The following FAM107B variants were observed in gnomAD, a reference collection of about 807,000 sequenced individuals.
FAM107B encodes protein FAM107B.
Under a neutral mutation model 31.5 loss-of-function variants are expected in FAM107B, and 21 were observed. The observed-to-expected ratio is 0.67, with a 90% CI of 0.47 to 0.96. The LOEUF (loss-of-function observed/expected upper bound fraction) is 0.96. FAM107B is among the 40% of genes least tolerant of loss of function. The pLI, the probability that FAM107B is intolerant of heterozygous loss-of-function variation, is 0.00. For synonymous variants in FAM107B, 157 were observed against 141.5 expected (o/e 1.11, Z -0.78); for missense variants, 452 against 377.1 (o/e 1.20, Z -1.64).
At chr10:14,713,403 T>C (rs758139359) in intron 1 of FAM107B, among the ~76,000 whole-genome samples, 32 of 152,200 alleles carry the variant, frequency 2.1e-4, no homozygotes, top group Non-Finnish European at 4.1e-4. Flanking sequence ...GGAGAGGGAA[T>C]GTCATCAAGA....
chr10:14,726,802 G>A (rs909238134), intron 1 of FAM107B, among the ~76,000 whole-genome samples: 1 of 152,174 alleles, frequency 6.6e-6, no homozygotes, highest in African/African-American at 2.4e-5. Context: ...CAGTTTCATG[G>A]AAGACAATTT....
chr10:14,549,636 C>T (rs1564554230), intron 2 of FAM107B, among the ~76,000 whole-genome samples: 1 of 152,138 alleles, frequency 6.6e-6, no homozygotes, highest in Non-Finnish European at 1.5e-5. Context: ...CCAAGCCTTG[C>T]CATTTTCCCA....
chr10:14,757,269 C>T (rs1358593062), intron 1 of FAM107B, among the ~76,000 whole-genome samples: 2 of 149,982 alleles, frequency 1.3e-5, no homozygotes, highest in East Asian at 2.0e-4. Flanking sequence ...CTAATATAGT[C>T]AATGTTTCTT....
At chr10:14,540,026 G>A (rs745622480) in intron 2 of FAM107B, among the ~76,000 whole-genome samples, 27 of 152,320 alleles carry the variant, frequency 1.8e-4, no homozygotes, top group Non-Finnish European at 2.8e-4. Flanking sequence ...CCATGTGGAC[G>A]TGACACACAG....
At chr10:14,758,227 G>A (rs868377651) in intron 1 of FAM107B, among the ~76,000 whole-genome samples, 6 of 152,166 alleles carry the variant, frequency 3.9e-5, no homozygotes, top group Non-Finnish European at 8.8e-5. Flanking sequence ...CAATGGCCAG[G>A]AATCCTTCAC....
At chr10:14,692,841 G>A (rs940027844) in intron 1 of FAM107B, among the ~76,000 whole-genome samples, 1 of 152,156 alleles carries the variant, frequency 6.6e-6, no homozygotes, top group African/African-American at 2.4e-5. Flanking sequence ...GATCCTTTAT[G>A]TGCCACGTGA....
chr10:14,737,634 A>G (rs888077404), intron 1 of FAM107B, among the ~76,000 whole-genome samples: 1 of 151,932 alleles, frequency 6.6e-6, no homozygotes, highest in Non-Finnish European at 1.5e-5. Flanking sequence ...AAACAAACAA[A>G]CAAACAAAAA....
At chr10:14,592,425 A>G (rs1047264860) in intron 2 of FAM107B, among the ~76,000 whole-genome samples, 1 of 152,176 alleles carries the variant, frequency 6.6e-6, no homozygotes, top group African/African-American at 2.4e-5. Flanking sequence ...TCCAGAGTCA[A>G]TTTATCACGT....
intron 1 of FAM107B, among the ~76,000 whole-genome samples, chr10:14,691,319 A>G (rs1307875901): frequency 6.6e-6 from 1 of 152,220 alleles, no homozygotes. Context: ...TCAGTCCTGC[A>G]GAGTCCATGT....
intron 1 of FAM107B, among the ~76,000 whole-genome samples, chr10:14,687,481 A>T (rs1455884777): frequency 6.6e-6 from 1 of 152,204 alleles, no homozygotes; most frequent in Non-Finnish European, 1.5e-5. Context: ...GTGTGCAAAT[A>T]AAAAACCAAC....
intron 2 of FAM107B, among the ~76,000 whole-genome samples, chr10:14,660,994 T>C (rs74976155): frequency 0.067 from 10,166 of 152,198 alleles, 391 homozygotes; most frequent in South Asian, 0.12. Flanking sequence ...CTTGTGATAG[T>C]GAGCTCTCAC....
chr10:14,767,053 TATAGAG>T (rs1202346767), intron 1 of FAM107B, among the ~76,000 whole-genome samples: 15 of 26,410 alleles, frequency 5.7e-4, no homozygotes, highest in South Asian at 2.1e-3. Flanking sequence ...TATATATATA[TATAGAG>T]AGAGAGAGAG....
chr10:14,534,881 C>G (rs1407519501), intron 2 of FAM107B: 1 of 152,184 alleles, frequency 6.6e-6, no homozygotes, highest in African/African-American at 2.4e-5. Flanking sequence ...GTTCAGAAAG[C>G]ATTACTTAAA....
intron 1 of FAM107B, among the ~76,000 whole-genome samples, chr10:14,771,300 A>C (rs1833297124): frequency 6.6e-6 from 1 of 152,228 alleles, no homozygotes; most frequent in South Asian, 2.1e-4. Context: ...ATGGTAGAAA[A>C]GGGTAAAGCA....
chr10:14,686,129 C>T (rs940816826), intron 1 of FAM107B, among the ~76,000 whole-genome samples: 1 of 152,100 alleles, frequency 6.6e-6, no homozygotes, highest in Non-Finnish European at 1.5e-5. Flanking sequence ...TGACTTATGC[C>T]TGTAGTCCCA....
At chr10:14,646,261 T>A (rs1337023392) in intron 2 of FAM107B, among the ~76,000 whole-genome samples, 2 of 151,822 alleles carry the variant, frequency 1.3e-5, no homozygotes, top group Non-Finnish European at 2.9e-5. Flanking sequence ...AGTGAGGGAG[T>A]CTGGGCCTTT....
At chr10:14,648,273 C>T (rs1234970519) in intron 2 of FAM107B, among the ~76,000 whole-genome samples, 1 of 152,112 alleles carries the variant, frequency 6.6e-6, no homozygotes, top group Non-Finnish European at 1.5e-5. Flanking sequence ...CTGCTGGGGT[C>T]GAACTGACCA....
At chr10:14,546,409 C>A (rs911748830) in intron 2 of FAM107B, among the ~76,000 whole-genome samples, 1 of 150,898 alleles carries the variant, frequency 6.6e-6, no homozygotes, top group Non-Finnish European at 1.5e-5. Flanking sequence ...ATTAACATTA[C>A]CTCTGGATCA....
chr10:14,600,445 C>T (rs540019473), intron 2 of FAM107B, among the ~76,000 whole-genome samples: 5 of 152,232 alleles, frequency 3.3e-5, no homozygotes, highest in Admixed American at 2.6e-4. Context: ...TAGGCAAATC[C>T]CTATGCAGCT....
Sources: gnomAD v4.1 joint callset for allele counts (sites outside exome capture counted in the v4.1 genomes callset) on GRCh38, gnomAD v4.1.1 for gene constraint, MANE v1.5 for transcripts, NCBI Gene and HGNC (gene_info 2026-07-23, HGNC 2026-07-21) for gene names.